Variants in CHLSN observed in about 807,000 individuals in gnomAD.
CHLSN encodes protein cholesin.
the CHLSN span, among the ~76,000 whole-genome samples, chr7:1,044,164 G>C: frequency 6.6e-6 from 1 of 152,220 alleles, no homozygotes; most frequent in African/African-American, 2.4e-5. Context: ...TACCTGGAAG[G>C]ACTAACTTGC....
At chr7:1,053,152 T>A in the CHLSN span, among the ~76,000 whole-genome samples, 2 of 149,480 alleles carry the variant, frequency 1.3e-5, no homozygotes, top group Non-Finnish European at 3.0e-5. Context: ...GAAAAGGAAG[T>A]CTCTGGGCAC....
chr7:991,538 C>T, the CHLSN span, among the ~76,000 whole-genome samples: 6 of 152,318 alleles, frequency 3.9e-5, no homozygotes, highest in East Asian at 9.6e-4. Context: ...CCTTCTCGAC[C>T]GGGCAGACCT....
the CHLSN span, among the ~76,000 whole-genome samples, chr7:1,018,398 G>A: frequency 1.3e-5 from 2 of 152,320 alleles, no homozygotes; most frequent in African/African-American, 4.8e-5. Flanking sequence ...GCCTGGCTCC[G>A]GCCATCAGCC....
chr7:983,937 G>A, the CHLSN span, among the ~76,000 whole-genome samples: 1 of 152,210 alleles, frequency 6.6e-6, no homozygotes, highest in Non-Finnish European at 1.5e-5. Flanking sequence ...GGGTCAGTGG[G>A]ACAGGGCTGA....
the CHLSN span, among the ~76,000 whole-genome samples, chr7:1,008,363 C>A: frequency 6.6e-6 from 1 of 152,220 alleles, no homozygotes; most frequent in Non-Finnish European, 1.5e-5. Flanking sequence ...GGAGCAAGCG[C>A]AGGAGGCAGC....
chr7:1,028,965 C>A, the CHLSN span: 5,501 of 279,234 alleles, frequency 0.02, 66 homozygotes, highest in Non-Finnish European at 0.023. Flanking sequence ...GAGGCCTAGC[C>A]CTCCCATGGC....
At chr7:1,008,524 C>G in the CHLSN span, among the ~76,000 whole-genome samples, 1 of 152,150 alleles carries the variant, frequency 6.6e-6, no homozygotes, top group African/African-American at 2.4e-5. Context: ...CTGACCAGTG[C>G]AGAGACCCAT....
the CHLSN span, chr7:1,059,305 G>A: frequency 1.3e-5 from 2 of 159,594 alleles, no homozygotes; most frequent in African/African-American, 4.8e-5. Flanking sequence ...GGGCCCCCAG[G>A]GGACAGAGGG....
chr7:1,066,010 C>T, the CHLSN span, among the ~76,000 whole-genome samples: 1 of 152,230 alleles, frequency 6.6e-6, no homozygotes, highest in Non-Finnish European at 1.5e-5. Flanking sequence ...AGGACCAGAG[C>T]GCCTGGACCA....
At chr7:1,124,977 T>C in the CHLSN span, among the ~76,000 whole-genome samples, 2 of 152,138 alleles carry the variant, frequency 1.3e-5, no homozygotes, top group Non-Finnish European at 2.9e-5. Flanking sequence ...GGGTGCTGTC[T>C]GGCTTCCCTC....
chr7:984,990 C>T, the CHLSN span: 5 of 1,610,066 alleles, frequency 3.1e-6, no homozygotes, highest in Non-Finnish European at 3.4e-6. Flanking sequence ...GGGCTGCCCG[C>T]CAGTTCACGG....
At chr7:1,023,662 C>G in the CHLSN span, among the ~76,000 whole-genome samples, 2 of 112,898 alleles carry the variant, frequency 1.8e-5, no homozygotes, top group African/African-American at 5.3e-5. This position sits in a 1 kb window ranked among gnomAD's most constrained non-coding sequence, Gnocchi z 5.0. Context: ...CACACACACA[C>G]ACACACACAC....
At chr7:1,042,920 G>A in the CHLSN span, among the ~76,000 whole-genome samples, 1 of 152,136 alleles carries the variant, frequency 6.6e-6, no homozygotes, top group South Asian at 2.1e-4. Context: ...GGCCTGCAGT[G>A]TGACCTGGGC....
chr7:1,028,490 G>A, the CHLSN span: 14,325 of 985,394 alleles, frequency 0.015, 115 homozygotes, highest in Non-Finnish European at 0.016. Context: ...GGGCCTCGGC[G>A]CTGAGAAGGC....
chr7:1,059,693 G>A, the CHLSN span, among the ~76,000 whole-genome samples: 8 of 144,656 alleles, frequency 5.5e-5, no homozygotes, highest in Non-Finnish European at 6.1e-5. Context: ...GTAGTGGGGC[G>A]GGTCTGTAGT....
At chr7:1,028,197 G>A in the CHLSN span, 23 of 995,280 alleles carry the variant, frequency 2.3e-5, no homozygotes, top group Admixed American at 6.0e-5. Context: ...CGGGGCTGGG[G>A]CAGGGCCCCT....
At chr7:985,060 G>A in the CHLSN span, 2 of 1,612,434 alleles carry the variant, frequency 1.2e-6, no homozygotes, top group Non-Finnish European at 1.7e-6. Flanking sequence ...GATTCTGCAG[G>A]AGCTGAAATG....
chr7:978,977 G>T, the CHLSN span, among the ~76,000 whole-genome samples: 1 of 152,148 alleles, frequency 6.6e-6, no homozygotes, highest in African/African-American at 2.4e-5. Flanking sequence ...CGGTTCCGTG[G>T]GCCTGGGTTC....
the CHLSN span, among the ~76,000 whole-genome samples, chr7:1,057,118 C>A: frequency 1.3e-5 from 2 of 152,064 alleles, no homozygotes; most frequent in African/African-American, 2.4e-5. Context: ...TGGCAAGATG[C>A]GAACACCACA....
Sources: gnomAD v4.1 joint callset for allele counts (sites outside exome capture counted in the v4.1 genomes callset) on GRCh38, gnomAD v4.1.1 for gene constraint, Gnocchi (gnomAD v3.1) non-coding constraint, MANE v1.5 for transcripts, NCBI Gene and HGNC (gene_info 2026-07-23, HGNC 2026-07-21) for gene names.